Variants in LAMA2 observed in about 807,000 individuals in gnomAD.
The protein encoded by LAMA2 is laminin subunit alpha-2.
In LAMA2, 269 loss-of-function variants were observed where a neutral mutation model predicts 364.8. That is an observed-to-expected ratio of 0.74 (90% CI 0.67 to 0.82). LAMA2 has a LOEUF of 0.82. LAMA2 is among the 40% of genes least tolerant of loss of function. LAMA2 has a pLI of 0.00. For missense variants in LAMA2, 3,807 were observed against 3,873.2 expected (o/e 0.98, Z 0.45); for synonymous variants, 1,379 against 1,370.6 (o/e 1.01, Z -0.14).
At chr6:128,988,414 G>A (rs1224098726) in intron 1 of LAMA2, among the ~76,000 whole-genome samples, 1 of 152,076 alleles carries the variant, frequency 6.6e-6, no homozygotes, top group South Asian at 2.1e-4. Flanking sequence ...AAAAAAATAT[G>A]CAAAGTATAA....
intron 1 of LAMA2, among the ~76,000 whole-genome samples, chr6:128,907,499 T>C (rs945355375): frequency 3.3e-5 from 5 of 152,172 alleles, no homozygotes; most frequent in African/African-American, 1.2e-4. Flanking sequence ...CCTGAGACTT[T>C]GCTGAAGTTG....
At chr6:129,076,499 A>G in intron 3 of LAMA2, among the ~76,000 whole-genome samples, 1 of 12,208 alleles carries the variant, frequency 8.2e-5, no homozygotes, top group South Asian at 1.4e-3. Context: ...TATTATATAT[A>G]AATATATATA....
intron 1 of LAMA2, among the ~76,000 whole-genome samples, chr6:129,042,805 C>G (rs1213585847): frequency 6.6e-6 from 1 of 152,084 alleles, no homozygotes; most frequent in African/African-American, 2.4e-5. Flanking sequence ...GTGGCATAAT[C>G]CTTTTTGGAG....
At chr6:128,890,029 C>G (rs1322989134) in intron 1 of LAMA2, among the ~76,000 whole-genome samples, 1 of 152,084 alleles carries the variant, frequency 6.6e-6, no homozygotes, top group Non-Finnish European at 1.5e-5. Context: ...ACCTCAGGAG[C>G]TATTTAGTGC....
chr6:129,088,423 G>T (rs1774536915), intron 3 of LAMA2, among the ~76,000 whole-genome samples: 1 of 152,156 alleles, frequency 6.6e-6, no homozygotes, highest in Non-Finnish European at 1.5e-5. Flanking sequence ...CCTCCCAGAT[G>T]GGGTGGCGGC....
intron 28 of LAMA2, among the ~76,000 whole-genome samples, chr6:129,324,761 A>T (rs7752897): frequency 0.48 from 73,298 of 152,012 alleles, 18,589 homozygotes; most frequent in East Asian, 0.71. Context: ...AACATATTTA[A>T]ACATAGCAAA....
intron 2 of LAMA2, among the ~76,000 whole-genome samples, chr6:129,051,253 G>T (rs1206801952): frequency 6.8e-6 from 1 of 147,520 alleles, no homozygotes; most frequent in African/African-American, 2.5e-5. Flanking sequence ...CTACATAAAG[G>T]TAAAAATATA....
intron 12 of LAMA2, among the ~76,000 whole-genome samples, chr6:129,237,665 A>G (rs992953850): frequency 1.3e-5 from 2 of 152,064 alleles, no homozygotes; most frequent in Admixed American, 6.6e-5. Flanking sequence ...GCACCCTTAT[A>G]ACTGTGGGAT....
At chr6:129,214,887 AG>A (rs1480907187) in intron 12 of LAMA2, among the ~76,000 whole-genome samples, 25 of 152,130 alleles carry the variant, frequency 1.6e-4, no homozygotes, top group African/African-American at 5.8e-4. Flanking sequence ...TCCTACCTTG[AG>A]TCTTCCTATT....
chr6:129,029,027 A>G (rs1786034458), intron 1 of LAMA2, among the ~76,000 whole-genome samples: 3 of 151,924 alleles, frequency 2.0e-5, no homozygotes, highest in Non-Finnish European at 4.4e-5. Flanking sequence ...ATATGATCTT[A>G]GATGATGGAG....
rs199661797 is a variant in LAMA2 at position 129,199,484 on chromosome 6, A to G, written c.1782+6631A>G. Among the ~76,000 whole-genome samples the G allele has an allele frequency of 2.6e-5, 4 of 152,302 alleles. No individual in the cohort carries two copies. The East Asian group carries it at 7.7e-4, about 29-fold the overall frequency. On this transcript the variant is annotated intron_variant, in intron 12 of 64. Transcript: ENST00000421865. ...CTCCCACTTAACATTGTGCTAGAAG[A>G]TGTGGACAGTGCAGTAGATAGGAAA...
chr6:129,251,064 C>CTT (rs1786176928), intron 13 of LAMA2, among the ~76,000 whole-genome samples: 1 of 69,096 alleles, frequency 1.4e-5, no homozygotes, highest in African/African-American at 4.6e-5. Flanking sequence ...CTCTCTCTCT[C>CTT]TCTCTCTCTC....
intron 9 of LAMA2, among the ~76,000 whole-genome samples, chr6:129,169,607 A>AT (rs1780000347): frequency 1.3e-5 from 2 of 150,730 alleles, no homozygotes; most frequent in Admixed American, 1.3e-4. Context: ...CATCAAGGAT[A>AT]TTGGTCTAAA....
At chr6:129,434,946 A>G (rs1781764452) in intron 41 of LAMA2, among the ~76,000 whole-genome samples, 1 of 152,086 alleles carries the variant, frequency 6.6e-6, no homozygotes. Flanking sequence ...AGCAGCTGAA[A>G]CATTAAAAAA....
Position 129,491,992 on chromosome 6 carries a change from G to A in LAMA2, c.7990G>A (p.Gly2664Ser). ...PIEVKKLFVG[G>S]APPEFQPSPL... ...CGAAGTTAAAAAGCTTTTCGTTGGG[G>A]GTGCTCCACCTGAATTTCAACCTTC... The change falls in exon 57 of 65, where the codon GGT becomes AGT. Residue 2664 changes from glycine (G) to serine (S), a missense_variant. Physicochemically the swap from Gly to Ser is moderately conservative, Grantham distance 56. This residue lies in a region of LAMA2 where 3,333 missense variants were observed against 3,345.7 expected (regional missense o/e 1.00). Transcript: ENST00000421865. 6.2e-7 allele frequency: 1 copy of A among 1,613,934 alleles called. No individual in the cohort carries two copies. The highest frequency in any genetic ancestry group is 2.2e-5 in the East Asian group (1 of 44,844).
intron 3 of LAMA2, among the ~76,000 whole-genome samples, chr6:129,092,899 C>T (rs1445641218): frequency 6.6e-6 from 1 of 152,096 alleles, no homozygotes; most frequent in Non-Finnish European, 1.5e-5. Context: ...CACACTTTGG[C>T]TGGGTCTCTT....
At chr6:129,498,006 G>C (rs1785325994) in intron 58 of LAMA2, among the ~76,000 whole-genome samples, 1 of 152,152 alleles carries the variant, frequency 6.6e-6, no homozygotes, top group Non-Finnish European at 1.5e-5. Context: ...ATAAGAGGCT[G>C]AACTTCAAGT....
chr6:129,516,109 TA>T, intron 64 of LAMA2, 80 bp from the exon 65 acceptor site: 1 of 1,458,680 alleles, frequency 6.9e-7, no homozygotes, highest in Non-Finnish European at 9.6e-7. Context: ...AATCTCAAGC[TA>T]ACAGTTGACT....
chr6:129,255,578 C>T (rs1321246939), intron 14 of LAMA2, among the ~76,000 whole-genome samples: 2 of 151,988 alleles, frequency 1.3e-5, no homozygotes, highest in African/African-American at 4.8e-5. Context: ...CCGAGTCCAT[C>T]GTGACTTCAT....
Sources: gnomAD v4.1 joint callset for allele counts (sites outside exome capture counted in the v4.1 genomes callset) on GRCh38, gnomAD v4.1.1 for gene constraint, gnomAD v4.1.1 regional missense constraint, MANE v1.5 for transcripts, NCBI Gene and HGNC (gene_info 2026-07-23, HGNC 2026-07-21) for gene names.